IL22RA1: variants seen among roughly 807,000 people sequenced by gnomAD.
IL22RA1 encodes interleukin 22 receptor subunit alpha 1.
In IL22RA1, 25 loss-of-function variants were observed where a neutral mutation model predicts 32.8. The observed-to-expected ratio is 0.76, with a 90% confidence interval of 0.55 to 1.06. IL22RA1 has a LOEUF of 1.06. IL22RA1 is among the 50% of genes least tolerant of loss of function. The pLI is 0.00. For synonymous variants in IL22RA1, 305 were observed against 305.0 expected (o/e 1.00, Z 0.00); for missense variants, 709 against 727.4 (o/e 0.97, Z 0.29).
rs117541353 is a variant in IL22RA1, at chr1:24,138,913, G to A, written c.44-199C>T. ...ACCAGCAAGAGGGGATGCTCCCCAC[G>A]CTGTTCTAACCAACCATCCATTCTC... On this transcript the variant is annotated intron_variant, in intron 1 of 6. Coordinates refer to ENST00000270800, the MANE Select transcript of IL22RA1 (RefSeq NM_021258.4). Among the ~76,000 whole-genome samples, 402 of 152,338 alleles carry A rather than the reference G, an allele frequency of 2.6e-3. 6 individuals carry two copies. In the East Asian group the frequency reaches 0.048, roughly 18 times the overall value.
chr1:24,125,187 G>C (rs1397658731), intron 5 of IL22RA1, among the ~76,000 whole-genome samples: 3 of 152,068 alleles, frequency 2.0e-5, no homozygotes, highest in Non-Finnish European at 4.4e-5. Context: ...CTCTACCTAT[G>C]TTATCTCACT....
Position 24,123,320 on chromosome 1 carries a change from A to G in IL22RA1, c.774T>C (p.Pro258=), listed in dbSNP as rs758905111. ...YLSYRYVTKP[P]APPNSLNVQR... is the part of the protein sequence containing the mutation. ...GGCTCACCAGGGAGTTGGGAGGTGC[A>G]GGCGGCTTGGTGACATATCTGTAGC... Residue 258 remains proline, a synonymous_variant, in exon 6 of 7, where the codon CCT becomes CCC. Coordinates refer to ENST00000270800, the MANE Select transcript of IL22RA1 (RefSeq NM_021258.4). The G allele has an allele frequency of 6.2e-7, 1 of 1,614,118 alleles. No individual in the cohort carries two copies. Among genetic ancestry groups the G allele is most frequent in the South Asian group, 1.1e-5 (1 of 91,074 alleles).
chr1:24,121,783 C>T lies in IL22RA1; in HGVS notation c.793-46G>A, dbSNP rs375018370. 5 of 1,404,894 alleles carry T rather than the reference C, an allele frequency of 3.6e-6. No individual in the cohort carries two copies. The African/African-American group carries it at 7.2e-5, about 20-fold the overall frequency. 87.0% of individuals were successfully genotyped at this position (1,404,894 alleles called of 1,614,324 possible). ...TCACCCCCCTGTGGTTAGGGTAAGT[C>T]CCAAGCTCCCTACTGGTGATGTGGG... On this transcript the variant is annotated intron_variant, in intron 6 of 6. Transcript: ENST00000270800.
At chr1:24,129,207 T>C (rs139321225) in intron 4 of IL22RA1, among the ~76,000 whole-genome samples, 1 of 152,342 alleles carries the variant, frequency 6.6e-6, no homozygotes, top group Non-Finnish European at 1.5e-5. Flanking sequence ...AGCCCCTCAA[T>C]GTTGTTCTGC....
chr1:24,120,657 C>G lies in IL22RA1; in HGVS notation c.*148G>C. 1.4e-6 allele frequency: 1 copy of G among 732,352 alleles called. No homozygotes were observed. Among genetic ancestry groups the G allele is most frequent in the South Asian group, 2.1e-5 (1 of 48,538 alleles). The allele number at this position is 732,352 out of a possible 1,614,324, so 45.4% of individuals were successfully genotyped here. A position where few individuals can be genotyped will look rare whatever the true frequency, so the allele number is the denominator to read the frequency against. ...TGAGGAGCGCACCCATGGCAGGGGC[C>G]CTGCATGCCACTCCCTCTGCTTCTC... On this transcript the variant is annotated 3_prime_UTR_variant, in exon 7 of 7. Transcript: ENST00000270800.
chr1:24,120,978 G>T lies in IL22RA1; in HGVS notation c.1552C>A (p.Arg518Ser), dbSNP rs3795299. The T allele has an allele frequency of 1.4e-5, 22 of 1,613,942 alleles. No homozygotes were observed. The highest frequency in any genetic ancestry group is 1.9e-5 in the Non-Finnish European group (22 of 1,179,934). The change falls in exon 7 of 7, where the codon CGT becomes AGT. Residue 518 changes from arginine (R) to serine (S), a missense_variant. By Grantham distance (110) the Arg-to-Ser change is moderately radical. Coordinates refer to ENST00000270800, the MANE Select transcript of IL22RA1 (RefSeq NM_021258.4). ...PMSLPLQPPS[R>S]PCSPSDQGPS... is the part of the protein sequence containing the mutation. ...CCTTGGTCCGAGGGGGAACATGGAC[G>T]GGAAGGAGGTTGCAAAGGGAGGGAC...
chr1:24,133,524 A>G (rs1327356482), intron 4 of IL22RA1, among the ~76,000 whole-genome samples: 1 of 152,180 alleles, frequency 6.6e-6, no homozygotes, highest in Non-Finnish European at 1.5e-5. Flanking sequence ...AAAAGAAATA[A>G]TTCATGTACT....
chr1:24,140,727 G>T (rs1272583110), intron 1 of IL22RA1, among the ~76,000 whole-genome samples: 4 of 152,252 alleles, frequency 2.6e-5, no homozygotes, highest in Non-Finnish European at 5.9e-5. Context: ...GAGAGCAAGA[G>T]CCTGCGGGAA....
chr1:24,138,417 T>C lies in IL22RA1; in HGVS notation c.176+165A>G, dbSNP rs564366928. On this transcript the variant is annotated intron_variant, in intron 2 of 6. Transcript: ENST00000270800. ...CCTGTACTTTTTACCCTTATATTATTCTCCCTCTGCAAAAGAAACATAAAG... is the reference window on the plus strand; with the variant it reads ...CCTGTACTTTTTACCCTTATATTATCCTCCCTCTGCAAAAGAAACATAAAG... Among the ~76,000 whole-genome samples, 27 of 152,210 alleles carry C rather than the reference T, an allele frequency of 1.8e-4. No individual in the cohort carries two copies. In the South Asian group the frequency reaches 5.6e-3, roughly 32 times the overall value.
chr1:24,129,706 C>A (rs1233908138), intron 4 of IL22RA1, among the ~76,000 whole-genome samples: 1 of 152,186 alleles, frequency 6.6e-6, no homozygotes, highest in Non-Finnish European at 1.5e-5. Context: ...CTTTTTCAGG[C>A]ACATGGAGGC....
chr1:24,131,035 T>A (rs1292986518), intron 4 of IL22RA1, among the ~76,000 whole-genome samples: 1 of 152,160 alleles, frequency 6.6e-6, no homozygotes, highest in South Asian at 2.1e-4. Flanking sequence ...GGTATAACAA[T>A]GCTCCAGGAA....
chr1:24,128,928 C>T (rs1269011578), intron 4 of IL22RA1, among the ~76,000 whole-genome samples: 1 of 152,192 alleles, frequency 6.6e-6, no homozygotes, highest in Non-Finnish European at 1.5e-5. Flanking sequence ...TGGTGCCTGG[C>T]TTCCAGTCCA....
chr1:24,123,840 ATG>A (rs1161858046), intron 5 of IL22RA1, among the ~76,000 whole-genome samples: 15 of 151,846 alleles, frequency 9.9e-5, no homozygotes, highest in Non-Finnish European at 1.8e-4. Context: ...CCTCACGCAC[ATG>A]TGTATAGATG....
At chr1:24,140,809 T>C (rs1569586880) in intron 1 of IL22RA1, among the ~76,000 whole-genome samples, 1 of 151,946 alleles carries the variant, frequency 6.6e-6, no homozygotes, top group African/African-American at 2.4e-5. Flanking sequence ...AATAAACAGG[T>C]GGGAAAATGT....
At position 24,120,712 on chromosome 1, in the gene IL22RA1, A is replaced by G. The variant is rs886560233; in HGVS notation, c.*93T>C. 1.2e-5 allele frequency: 15 copies of G among 1,234,854 alleles called. No homozygotes were observed. The highest frequency in any genetic ancestry group is 1.7e-5 in the Non-Finnish European group (15 of 878,850). 76.5% of individuals were successfully genotyped at this position (1,234,854 alleles called of 1,614,324 possible). ...GGGCACCCGTCTGAGGCCAGATCGC[A>G]GAGTGTGTGGCGTGGGCAGGCATGG... On this transcript the variant is annotated 3_prime_UTR_variant, in exon 7 of 7. Coordinates refer to ENST00000270800, the MANE Select transcript of IL22RA1 (RefSeq NM_021258.4).
At chr1:24,124,387 G>T (rs1295954012) in intron 5 of IL22RA1, among the ~76,000 whole-genome samples, 1 of 152,208 alleles carries the variant, frequency 6.6e-6, no homozygotes, top group Non-Finnish European at 1.5e-5. Flanking sequence ...GATGACTAGG[G>T]CTCTAGTGCC....
chr1:24,141,322 G>A (rs920260740), intron 1 of IL22RA1, among the ~76,000 whole-genome samples: 3 of 152,202 alleles, frequency 2.0e-5, no homozygotes, highest in African/African-American at 7.2e-5. Flanking sequence ...GTCCAGTCAA[G>A]GTCAGACCTG....
intron 3 of IL22RA1, among the ~76,000 whole-genome samples, chr1:24,135,451 A>AT (rs1350317258): frequency 1.3e-5 from 2 of 152,144 alleles, no homozygotes; most frequent in Non-Finnish European, 1.5e-5. Flanking sequence ...ACTTAATTTT[A>AT]TTTTTTATTT....
intron 1 of IL22RA1, 34 bp downstream of exon 1, chr1:24,143,006 G>A (rs777078771): frequency 6.2e-7 from 1 of 1,604,412 alleles, no homozygotes; most frequent in Non-Finnish European, 8.5e-7. Flanking sequence ...CCTGGGATAA[G>A]GGAGGTCTGA....
Sources: gnomAD v4.1 joint callset for allele counts (sites outside exome capture counted in the v4.1 genomes callset) on GRCh38, gnomAD v4.1.1 for gene constraint, MANE v1.5 for transcripts, NCBI Gene and HGNC (gene_info 2026-07-23, HGNC 2026-07-21) for gene names.